FTCDNL1: variants seen among roughly 807,000 people sequenced by gnomAD.
The protein encoded by FTCDNL1 is formiminotransferase N-terminal subdomain-containing protein.
Under a neutral mutation model 5.9 loss-of-function variants are expected in FTCDNL1, and 11 were observed. The observed-to-expected ratio is 1.87, with a 90% confidence interval of 1.18 to 3.10. The LOEUF is 3.10. Among genes scored for constraint, FTCDNL1 ranks in the 30% most tolerant of loss-of-function variants. The probability of loss-of-function intolerance (pLI) is 0.00; values close to 1 mark genes in which losing one functional copy is unlikely to be tolerated. For missense variants in FTCDNL1, 115 were observed against 65.5 expected, an observed-to-expected ratio of 1.76 and a Z score of -2.61; for synonymous variants, 58 against 24.8, an observed-to-expected ratio of 2.34 and a Z score of -3.99.
intron 3 of FTCDNL1, among the ~76,000 whole-genome samples, chr2:199,800,722 T>C (rs1296808795): frequency 1.3e-5 from 2 of 152,210 alleles, no homozygotes; most frequent in East Asian, 1.9e-4. Flanking sequence ...GACAGAAATG[T>C]GTTTTTAATC....
intron 3 of FTCDNL1, among the ~76,000 whole-genome samples, chr2:199,830,791 C>T (rs1466102530): frequency 6.6e-6 from 1 of 152,118 alleles, no homozygotes; most frequent in Non-Finnish European, 1.5e-5. Context: ...ATTTATTGTG[C>T]TAGAACATCA....
chr2:199,836,909 C>T (rs1162554619), intron 3 of FTCDNL1, among the ~76,000 whole-genome samples: 2 of 152,198 alleles, frequency 1.3e-5, no homozygotes, highest in Non-Finnish European at 2.9e-5. Flanking sequence ...CATTTATCCA[C>T]CAGCTCTGGT....
At chr2:199,749,945 A>G in the FTCDNL1 span, among the ~76,000 whole-genome samples, 1 of 151,468 alleles carries the variant, frequency 6.6e-6, no homozygotes, top group Non-Finnish European at 1.5e-5. Context: ...TGGACACCCC[A>G]TTTACCCTGA....
chr2:199,741,842 A>G, the FTCDNL1 span, among the ~76,000 whole-genome samples: 4 of 152,184 alleles, frequency 2.6e-5, no homozygotes, highest in African/African-American at 7.2e-5. Flanking sequence ...TGTACTAAAC[A>G]TTTCTCAAAT....
Position 199,809,987 on chromosome 2 carries a change from G to C in FTCDNL1, c.*2718C>G, listed in dbSNP as rs1025124983. Among the ~76,000 whole-genome samples, 1 of 150,864 alleles carries C rather than the reference G, an allele frequency of 6.6e-6. No homozygotes were observed. The highest frequency in any genetic ancestry group is 2.4e-5 in the African/African-American group (1 of 40,930). ...GATAATATTTTTTTCCATAACAAAA[G>C]TATTTAGGCTATAATCAGGTAACTT... On this transcript the variant is annotated 3_prime_UTR_variant, in exon 5 of 5. Coordinates refer to ENST00000420128, the MANE Select transcript of FTCDNL1 (RefSeq NM_001363886.2).
At chr2:199,676,281 T>C in the FTCDNL1 span, among the ~76,000 whole-genome samples, 1 of 152,172 alleles carries the variant, frequency 6.6e-6, no homozygotes, top group African/African-American at 2.4e-5. Flanking sequence ...TGCTGGTCAG[T>C]GAATTTCTAT....
chr2:199,786,112 G>T (rs1413071698), intron 3 of FTCDNL1, among the ~76,000 whole-genome samples: 1 of 152,086 alleles, frequency 6.6e-6, no homozygotes, highest in East Asian at 1.9e-4. Flanking sequence ...GTGCGGCCCA[G>T]TTCCTAACAG....
chr2:199,717,699 T>C, the FTCDNL1 span, among the ~76,000 whole-genome samples: 1 of 151,864 alleles, frequency 6.6e-6, no homozygotes, highest in African/African-American at 2.4e-5. Flanking sequence ...CATTGGCTCC[T>C]TCCTATGAGA....
chr2:199,805,716 G>T (rs1700691016), downstream of FTCDNL1, among the ~76,000 whole-genome samples: 1 of 152,038 alleles, frequency 6.6e-6, no homozygotes, highest in Admixed American at 6.5e-5. Flanking sequence ...TCCATCCTGG[G>T]CAACAGAGTA....
intron 3 of FTCDNL1, among the ~76,000 whole-genome samples, chr2:199,840,274 A>G (rs1309988433): frequency 1.3e-5 from 2 of 152,260 alleles, no homozygotes; most frequent in Non-Finnish European, 2.9e-5. Flanking sequence ...CAAACAAATT[A>G]TCAAAAAGAT....
At chr2:199,831,411 A>G (rs552877321) in intron 3 of FTCDNL1, among the ~76,000 whole-genome samples, 3 of 152,340 alleles carry the variant, frequency 2.0e-5, no homozygotes, top group South Asian at 4.1e-4. Flanking sequence ...AGGAAAAACA[A>G]GAAACAATCT....
chr2:199,698,493 C>T, the FTCDNL1 span, among the ~76,000 whole-genome samples: 1 of 152,168 alleles, frequency 6.6e-6, no homozygotes, highest in Non-Finnish European at 1.5e-5. Flanking sequence ...CATACAATTA[C>T]ATGGACATTA....
chr2:199,748,930 C>T, the FTCDNL1 span, among the ~76,000 whole-genome samples: 4 of 152,162 alleles, frequency 2.6e-5, no homozygotes, highest in Non-Finnish European at 5.9e-5. Flanking sequence ...CCCATTGCCT[C>T]CCAAACCCTC....
At chr2:199,806,929 A>G (rs1444980533), downstream of FTCDNL1, among the ~76,000 whole-genome samples, 2 of 152,242 alleles carry the variant, frequency 1.3e-5, no homozygotes, top group Non-Finnish European at 2.9e-5. Context: ...GCCTCTTCAC[A>G]GTTGGTGAAA....
chr2:199,754,005 C>T, the FTCDNL1 span, among the ~76,000 whole-genome samples: 1 of 152,180 alleles, frequency 6.6e-6, no homozygotes, highest in Non-Finnish European at 1.5e-5. Context: ...CCCTCCAAGA[C>T]TCCCTGGGCC....
chr2:199,706,369 T>C, the FTCDNL1 span, among the ~76,000 whole-genome samples: 1 of 152,138 alleles, frequency 6.6e-6, no homozygotes, highest in Non-Finnish European at 1.5e-5. Flanking sequence ...GCCTTGGAAG[T>C]AGGAGGTTAT....
intron 3 of FTCDNL1, among the ~76,000 whole-genome samples, chr2:199,826,788 C>T (rs1411353555): frequency 1.3e-5 from 2 of 151,954 alleles, no homozygotes; most frequent in African/African-American, 4.8e-5. Context: ...AGCAAGACTC[C>T]GTCTCAAAAA....
At chr2:199,729,935 T>G in the FTCDNL1 span, among the ~76,000 whole-genome samples, 1 of 152,208 alleles carries the variant, frequency 6.6e-6, no homozygotes, top group Admixed American at 6.5e-5. Flanking sequence ...GACATCATGC[T>G]ACCTGACCTC....
chr2:199,757,294 G>A (rs1249607478), downstream of FTCDNL1, among the ~76,000 whole-genome samples: 1 of 151,852 alleles, frequency 6.6e-6, no homozygotes, highest in East Asian at 2.0e-4. Flanking sequence ...GAAAATAAAT[G>A]CCAAACAAAT....
Sources: gnomAD v4.1 joint callset for allele counts (sites outside exome capture counted in the v4.1 genomes callset) on GRCh38, gnomAD v4.1.1 for gene constraint, MANE v1.5 for transcripts, NCBI Gene and HGNC (gene_info 2026-07-23, HGNC 2026-07-21) for gene names.